KCNH8: variants seen among roughly 807,000 people sequenced by gnomAD.
KCNH8 encodes potassium voltage-gated channel subfamily H member 8.
KCNH8 carries 70 observed loss-of-function variants against 103.6 expected under a neutral mutation model. That is an observed-to-expected ratio of 0.68 (90% CI 0.56 to 0.82). The LOEUF is 0.82. Among genes scored for constraint, KCNH8 ranks in the 40% least tolerant of loss-of-function variants. The pLI, the probability that KCNH8 is intolerant of heterozygous loss-of-function variation, is 0.00. For synonymous variants in KCNH8, 498 were observed against 489.4 expected (o/e 1.02, Z -0.23); for missense variants, 1,217 against 1,329.9 (o/e 0.92, Z 1.32).
chr3:19,318,350 A>G (rs907777824), intron 3 of KCNH8, among the ~76,000 whole-genome samples: 1 of 151,542 alleles, frequency 6.6e-6, no homozygotes, highest in African/African-American at 2.4e-5. Flanking sequence ...TTTAGTTGTG[A>G]TTTCTGAGAT....
At chr3:19,166,287 G>A (rs10510486) in intron 1 of KCNH8, among the ~76,000 whole-genome samples, 4,434 of 152,166 alleles carry the variant, frequency 0.029, 198 homozygotes, top group African/African-American at 0.099. Flanking sequence ...AATGTTTACA[G>A]TGAATGCCAT....
chr3:19,208,983 T>C (rs1038062876), intron 1 of KCNH8, among the ~76,000 whole-genome samples: 5 of 152,016 alleles, frequency 3.3e-5, no homozygotes, highest in African/African-American at 4.8e-5. Flanking sequence ...CACAAGGATA[T>C]ATGTATATCT....
intron 7 of KCNH8, among the ~76,000 whole-genome samples, chr3:19,431,189 A>T (rs1480481568): frequency 6.6e-6 from 1 of 152,210 alleles, no homozygotes; most frequent in Non-Finnish European, 1.5e-5. Context: ...AGTTTTTAAC[A>T]TGAAAGGATG....
intron 3 of KCNH8, among the ~76,000 whole-genome samples, chr3:19,291,516 A>G (rs2064925256): frequency 6.6e-6 from 1 of 152,180 alleles, no homozygotes; most frequent in South Asian, 2.1e-4. Context: ...GTAGTCATTG[A>G]GGAGCAGGTT....
At chr3:19,225,843 T>C (rs936894918) in intron 1 of KCNH8, among the ~76,000 whole-genome samples, 4 of 152,316 alleles carry the variant, frequency 2.6e-5, no homozygotes, top group African/African-American at 9.6e-5. Flanking sequence ...AATGTATTCA[T>C]TTAGAATACT....
intron 11 of KCNH8, among the ~76,000 whole-genome samples, chr3:19,500,774 C>A (rs138479085): frequency 6.6e-6 from 1 of 152,086 alleles, no homozygotes; most frequent in Non-Finnish European, 1.5e-5. Context: ...GGGACACATT[C>A]AAAGTTGTGT....
chr3:19,511,903 T>C (rs1245646849), intron 12 of KCNH8, among the ~76,000 whole-genome samples: 1 of 152,112 alleles, frequency 6.6e-6, no homozygotes, highest in African/African-American at 2.4e-5. Context: ...ACCTGTAATA[T>C]ATACACCATA....
At chr3:19,377,729 C>T (rs77947317) in intron 5 of KCNH8, among the ~76,000 whole-genome samples, 3,846 of 152,220 alleles carry the variant, frequency 0.025, 174 homozygotes, top group East Asian at 0.17. Context: ...TGCTGCCATC[C>T]ATGGTAGATG....
chr3:19,480,899 G>A (rs1192233701), intron 11 of KCNH8, among the ~76,000 whole-genome samples: 1 of 152,150 alleles, frequency 6.6e-6, no homozygotes, highest in Non-Finnish European at 1.5e-5. Context: ...AAGTGATAGA[G>A]CAATTTAGGT....
chr3:19,270,560 C>G (rs1216839559), intron 2 of KCNH8, among the ~76,000 whole-genome samples: 4 of 152,076 alleles, frequency 2.6e-5, no homozygotes, highest in African/African-American at 4.8e-5. Context: ...GTGATGCCTA[C>G]CTGGACACCA....
Position 19,201,259 on chromosome 3 carries a change from A to G in KCNH8, c.77-52395A>G, listed in dbSNP as rs201886503. ...AAAAAAAAAAAAAAAAAAAAAAAAA[A>G]AAAGAAAAGAAAATTATAGTAAATA... is the stretch of plus-strand genomic sequence containing the variant. On this transcript the variant is annotated intron_variant, in intron 1 of 15. Coordinates refer to ENST00000328405, the MANE Select transcript of KCNH8 (RefSeq NM_144633.3). Among the ~76,000 whole-genome samples, 3 of 145,592 alleles carry G rather than the reference A, an allele frequency of 2.1e-5. No homozygotes were observed. The Admixed American group carries it at 2.1e-4, about 10-fold the overall frequency.
At chr3:19,487,249 G>T (rs570681548) in intron 11 of KCNH8, among the ~76,000 whole-genome samples, 1 of 152,192 alleles carries the variant, frequency 6.6e-6, no homozygotes, top group African/African-American at 2.4e-5. Flanking sequence ...TGATGCTAAA[G>T]AAGGCATCTT....
chr3:19,354,301 C>T (rs973504346), intron 5 of KCNH8, among the ~76,000 whole-genome samples: 1 of 152,162 alleles, frequency 6.6e-6, no homozygotes, highest in African/African-American at 2.4e-5. Context: ...AATGGCCATA[C>T]TGCCCAAGGT....
intron 5 of KCNH8, among the ~76,000 whole-genome samples, chr3:19,379,532 T>C (rs557315318): frequency 4.6e-5 from 7 of 151,642 alleles, no homozygotes; most frequent in African/African-American, 1.5e-4. Flanking sequence ...CCCAGCTGCT[T>C]GGGAGGCTGA....
At chr3:19,332,696 G>C (rs73032106) in intron 3 of KCNH8, among the ~76,000 whole-genome samples, 1 of 152,012 alleles carries the variant, frequency 6.6e-6, no homozygotes, top group Non-Finnish European at 1.5e-5. Context: ...ACAGTGGCAC[G>C]ATCTCAGCTC....
At chr3:19,337,096 A>G (rs1575537018) in intron 3 of KCNH8, among the ~76,000 whole-genome samples, 1 of 152,110 alleles carries the variant, frequency 6.6e-6, no homozygotes, top group African/African-American at 2.4e-5. Flanking sequence ...ATTATTTACT[A>G]TGTTGAGTTG....
rs555642593 is a variant in KCNH8 at position 19,221,898 on chromosome 3, A to G, written c.77-31756A>G. 3.3e-5 allele frequency among the ~76,000 whole-genome samples: 5 copies of G among 151,070 alleles called. No individual in the cohort carries two copies. The South Asian group carries it at 1.0e-3, about 32-fold the overall frequency. On this transcript the variant is annotated intron_variant, in intron 1 of 15. Transcript: ENST00000328405. Reference sequence around the variant, plus strand: ...AGTCTCATTCTGTTGCCTAGGCTAGAGTGCAATGGCACGATGTTGGCTCAC... The same window carrying G: ...AGTCTCATTCTGTTGCCTAGGCTAGGGTGCAATGGCACGATGTTGGCTCAC...
At chr3:19,472,402 T>A (rs2067881344) in intron 11 of KCNH8, among the ~76,000 whole-genome samples, 1 of 152,124 alleles carries the variant, frequency 6.6e-6, no homozygotes, top group South Asian at 2.1e-4. Flanking sequence ...AGGGACCAAG[T>A]GGGAGATAAT....
At chr3:19,269,484 A>G (rs1284398466) in intron 2 of KCNH8, among the ~76,000 whole-genome samples, 1 of 152,130 alleles carries the variant, frequency 6.6e-6, no homozygotes, top group African/African-American at 2.4e-5. Flanking sequence ...AGATTAAAAA[A>G]GTCGCTGACC....
Sources: gnomAD v4.1 joint callset for allele counts (sites outside exome capture counted in the v4.1 genomes callset) on GRCh38, gnomAD v4.1.1 for gene constraint, MANE v1.5 for transcripts, NCBI Gene and HGNC (gene_info 2026-07-23, HGNC 2026-07-21) for gene names.